The following BBX variants were observed in gnomAD, a reference collection of about 807,000 sequenced individuals.
BBX encodes BBX high mobility group box domain containing.
Under a neutral mutation model 100.2 loss-of-function variants are expected in BBX, and 30 were observed. The observed-to-expected ratio is 0.30, with a 90% CI of 0.22 to 0.41. The LOEUF (loss-of-function observed/expected upper bound fraction) is 0.41. Among genes scored for constraint, BBX ranks in the 10% least tolerant of loss-of-function variants. BBX has a pLI of 1.00. For missense variants in BBX, 1,023 were observed against 1,129.8 expected (o/e 0.91, Z 1.35); for synonymous variants, 376 against 388.1 (o/e 0.97, Z 0.37).
intron 2 of BBX, among the ~76,000 whole-genome samples, chr3:107,584,488 G>A (rs1051199661): frequency 1.3e-5 from 2 of 149,760 alleles, no homozygotes; most frequent in Non-Finnish European, 3.0e-5. Context: ...AGCCCCTAAC[G>A]TTACACTGTA....
intron 3 of BBX, among the ~76,000 whole-genome samples, chr3:107,708,925 T>A (rs2107288176): frequency 1.3e-5 from 2 of 152,216 alleles, no homozygotes; most frequent in South Asian, 4.1e-4. Flanking sequence ...ATTGATATAT[T>A]TGTATATTTA....
At chr3:107,717,624 AAGCATTT>A (rs1188042151) in intron 5 of BBX, among the ~76,000 whole-genome samples, 1 of 151,982 alleles carries the variant, frequency 6.6e-6, no homozygotes, top group African/African-American at 2.4e-5. Flanking sequence ...GGTTAGTGGG[AAGCATTT>A]CCATGTAGGA....
chr3:107,606,843 A>C (rs2054481749), intron 2 of BBX, among the ~76,000 whole-genome samples: 1 of 152,192 alleles, frequency 6.6e-6, no homozygotes, highest in South Asian at 2.1e-4. Context: ...TGATTAAATT[A>C]TTGACTATAG....
intron 3 of BBX, among the ~76,000 whole-genome samples, chr3:107,690,119 A>G (rs923142344): frequency 2.0e-5 from 3 of 152,218 alleles, no homozygotes; most frequent in Non-Finnish European, 4.4e-5. Context: ...AATGAAATGT[A>G]CTCAAGTTGT....
rs1398949012 is a variant in BBX, at chr3:107,565,930, T to C, written c.-84+39532T>C. On this transcript the variant is annotated intron_variant, in intron 2 of 17. Transcript: ENST00000325805. ...GGCTCACACCTATAATCCTAGCACT[T>C]TGAGAGGCTGAGACAGGCGGATCAC... Among the ~76,000 whole-genome samples the C allele has an allele frequency of 2.0e-5, 3 of 151,650 alleles. No homozygotes were observed. In the East Asian group the frequency reaches 5.8e-4, roughly 29 times the overall value.
intron 2 of BBX, among the ~76,000 whole-genome samples, chr3:107,586,679 CTAAGCAAGTT>C (rs1370946580): frequency 6.6e-6 from 1 of 151,936 alleles, no homozygotes; most frequent in African/African-American, 2.4e-5. Flanking sequence ...GTTACCAAGG[CTAAGCAAGTT>C]TGAGAAATAG....
intron 2 of BBX, among the ~76,000 whole-genome samples, chr3:107,627,573 T>C (rs1398183271): frequency 1.3e-5 from 2 of 152,216 alleles, no homozygotes; most frequent in Non-Finnish European, 2.9e-5. Context: ...CATGTAATCA[T>C]TGAAGAAGAA....
intron 2 of BBX, among the ~76,000 whole-genome samples, chr3:107,575,534 G>T (rs552090022): frequency 6.6e-6 from 1 of 152,182 alleles, no homozygotes; most frequent in African/African-American, 2.4e-5. Context: ...ATCTGATGGG[G>T]ATGGATATCT....
At position 107,568,265 on chromosome 3, in the gene BBX, A is replaced by ATT. The variant is rs36099700; in HGVS notation, c.-84+41883_-84+41884dup. On this transcript the variant is annotated intron_variant, in intron 2 of 17. Transcript: ENST00000325805. ...TATGTCAGATTCTCTATTTTCTGCT[A>ATT]TTTTTTTTTTTTTTTTTGAGATGGA... Among the ~76,000 whole-genome samples the ATT allele has an allele frequency of 2.1e-3, 279 of 131,490 alleles. 5 individuals carry two copies. The highest frequency in any genetic ancestry group is 7.8e-3 in the Middle Eastern group (2 of 258). 86.3% of individuals were successfully genotyped at this position (131,490 alleles called of 152,430 possible).
At chr3:107,777,588 T>C (rs1008142247) in intron 12 of BBX, among the ~76,000 whole-genome samples, 4 of 152,134 alleles carry the variant, frequency 2.6e-5, no homozygotes, top group Non-Finnish European at 4.4e-5. Flanking sequence ...GAAGCCAGCC[T>C]AGGATCCAGC....
intron 3 of BBX, among the ~76,000 whole-genome samples, chr3:107,680,463 G>A (rs1328611126): frequency 1.3e-5 from 2 of 152,140 alleles, no homozygotes; most frequent in African/African-American, 4.8e-5. Context: ...AAATGAGGTT[G>A]TTGATTGACT....
intron 2 of BBX, among the ~76,000 whole-genome samples, chr3:107,607,151 C>T (rs2107641382): frequency 6.6e-6 from 1 of 152,118 alleles, no homozygotes. Context: ...GGCTGGAGTG[C>T]AACAGCACTG....
intron 2 of BBX, among the ~76,000 whole-genome samples, chr3:107,572,307 AT>A (rs745731542): frequency 2.0e-5 from 3 of 151,268 alleles, no homozygotes; most frequent in African/African-American, 4.9e-5. Context: ...ACAATCATTT[AT>A]TTTTTTTTAA....
At chr3:107,623,486 A>G (rs529773436) in intron 2 of BBX, among the ~76,000 whole-genome samples, 183 of 152,244 alleles carry the variant, frequency 1.2e-3, no homozygotes, top group African/African-American at 4.3e-3. Flanking sequence ...TCCAGGTTTT[A>G]TAGCTACTTT....
chr3:107,752,846 A>G (rs2065183374), intron 9 of BBX, among the ~76,000 whole-genome samples: 1 of 152,208 alleles, frequency 6.6e-6, no homozygotes, highest in African/African-American at 2.4e-5. Context: ...CCTAGCAAAC[A>G]CACACTTCCC....
chr3:107,737,470 T>TA (rs2063715515), intron 7 of BBX, among the ~76,000 whole-genome samples: 1 of 152,066 alleles, frequency 6.6e-6, no homozygotes, highest in African/African-American at 2.4e-5. Context: ...AGTAGCTGAG[T>TA]TAGTGTCAGA....
In BBX at chr3:107,713,967, C is replaced by CTTTTTTTTT. The variant is rs569427270; in HGVS notation, c.163-2622_163-2614dup. On this transcript the variant is annotated intron_variant, in intron 4 of 17. Transcript: ENST00000325805. Reference sequence around the variant, plus strand: ...TTTTAATTTTTTTAATAATTTTTTTCTTTTTTTTTTTTTTTTTTTTTTTTT... The same window carrying CTTTTTTTTT: ...TTTTAATTTTTTTAATAATTTTTTTCTTTTTTTTTTTTTTTTTTTTTTTTTTTTTTTTTT... Among the ~76,000 whole-genome samples the CTTTTTTTTT allele has an allele frequency of 5.6e-4, 46 of 82,322 alleles. 1 individual carries two copies. The highest frequency in any genetic ancestry group is 9.0e-4 in the Non-Finnish European group (35 of 38,714). The allele number at this position is 82,322 out of a possible 152,430, so 54.0% of individuals were successfully genotyped here.
intron 4 of BBX, among the ~76,000 whole-genome samples, chr3:107,714,178 G>A (rs1477256683): frequency 2.0e-5 from 3 of 151,596 alleles, no homozygotes; most frequent in Non-Finnish European, 4.4e-5. Context: ...GTTTCACCAT[G>A]TTGGTCAAAC....
At chr3:107,645,010 T>A (rs2057432610) in intron 2 of BBX, among the ~76,000 whole-genome samples, 1 of 152,162 alleles carries the variant, frequency 6.6e-6, no homozygotes, top group Non-Finnish European at 1.5e-5. Context: ...GAAAGTGATA[T>A]CCAGTTTCTA....
Sources: gnomAD v4.1 joint callset for allele counts (sites outside exome capture counted in the v4.1 genomes callset) on GRCh38, gnomAD v4.1.1 for gene constraint, MANE v1.5 for transcripts, NCBI Gene and HGNC (gene_info 2026-07-23, HGNC 2026-07-21) for gene names.